The following SEPTIN8 variants were observed in gnomAD, a reference collection of about 807,000 sequenced individuals.
SEPTIN8 encodes septin-8.
SEPTIN8 carries 22 observed loss-of-function variants against 53.1 expected under a neutral mutation model. That is an observed-to-expected ratio of 0.41 (90% CI 0.30 to 0.59). SEPTIN8 has a LOEUF of 0.59. SEPTIN8 is among the 20% of genes least tolerant of loss of function. SEPTIN8 has a pLI of 0.24. For synonymous variants in SEPTIN8, 228 were observed against 248.4 expected (o/e 0.92, Z 0.77); for missense variants, 536 against 638.7 (o/e 0.84, Z 1.73).
intron 9 of SEPTIN8, among the ~76,000 whole-genome samples, chr5:132,759,763 G>A (rs1195451223): frequency 1.3e-5 from 2 of 152,192 alleles, no homozygotes; most frequent in African/African-American, 2.4e-5. Context: ...AAGATAGGCC[G>A]GGGCAGGGAG....
Position 132,776,892 on chromosome 5 carries a change from G to C in SEPTIN8, c.30+216C>G, listed in dbSNP as rs972115625. 1.9e-4 allele frequency among the ~76,000 whole-genome samples: 29 copies of C among 152,080 alleles called. No homozygotes were observed. The highest frequency in any genetic ancestry group is 6.5e-4 in the African/African-American group (27 of 41,430). On this transcript the variant is annotated intron_variant, in intron 1 of 9. Coordinates refer to ENST00000378719, the MANE Select transcript of SEPTIN8 (RefSeq NM_001098811.2). The surrounding 1 kb of genome is among the most constrained non-coding windows in gnomAD (Gnocchi z 4.4). ...TAGCCTTGCCTGCGCCCCAGGAAGC[G>C]ACCCCGACCAGCCGCCCGGCAAGGC... is the stretch of plus-strand genomic sequence containing the variant.
In SEPTIN8 at chr5:132,776,970, G is replaced by A. The variant is rs901844412; in HGVS notation, c.30+138C>T. 70 of 433,270 alleles carry A rather than the reference G, an allele frequency of 1.6e-4. No homozygotes were observed. In the East Asian group the frequency reaches 3.0e-3, roughly 18 times the overall value. The allele number at this position is 433,270 out of a possible 1,614,324, so 26.8% of individuals were successfully genotyped here. ...GATAGCGCGGCCGAGAGCCCGCGCC[G>A]GGGTCCTCGAGCTGGCCCGGTGTCG... On this transcript the variant is annotated intron_variant, in intron 1 of 9. Transcript: ENST00000378719. The surrounding 1 kb of genome is among the most constrained non-coding windows in gnomAD (Gnocchi z 4.4).
intron 9 of SEPTIN8, chr5:132,754,224 T>G: frequency 1.8e-6 from 1 of 567,828 alleles, no homozygotes; most frequent in Non-Finnish European, 3.2e-6. Flanking sequence ...GTCAGATACA[T>G]TTGGAACACT....
chr5:132,757,575 C>A, intron 9 of SEPTIN8: 1 of 985,474 alleles, frequency 1.0e-6, no homozygotes, highest in African/African-American at 1.7e-5. Flanking sequence ...ACTGTGAGCT[C>A]CTTGAGGGGA....
chr5:132,756,577 C>T, intron 9 of SEPTIN8: 1 of 985,406 alleles, frequency 1.0e-6, no homozygotes, highest in Non-Finnish European at 1.2e-6. Context: ...GTTTTAAGCT[C>T]ACTTTATGCA....
At chr5:132,758,442 C>A in intron 9 of SEPTIN8, 1 of 1,587,056 alleles carries the variant, frequency 6.3e-7, no homozygotes, top group South Asian at 1.1e-5. Flanking sequence ...CGTGAGTTGC[C>A]ATCTCCACGC....
chr5:132,779,987 C>T (rs542746698), upstream of SEPTIN8, among the ~76,000 whole-genome samples: 21 of 152,338 alleles, frequency 1.4e-4, 1 homozygote, highest in South Asian at 3.5e-3. Flanking sequence ...TGACTCTCTA[C>T]GCACACTTTC....
intron 1 of SEPTIN8, among the ~76,000 whole-genome samples, chr5:132,775,204 AG>A (rs879401634): frequency 3.3e-5 from 5 of 152,190 alleles, no homozygotes; most frequent in Non-Finnish European, 5.9e-5. Context: ...GAGCAAACAC[AG>A]GACCCCAGGG....
Position 132,760,760 on chromosome 5 carries a change from C to A in SEPTIN8, c.1286+42G>T. The stretch of plus-strand genomic sequence containing the variant: ...GGACAAGAACGAAAGCAAGAGCCCA[C>A]AGGAGCAAGAGGAGCCAGCGCAGGC... On this transcript the variant is annotated intron_variant, in intron 9 of 9. Transcript: ENST00000378719. The surrounding 1 kb of genome is among the most constrained non-coding windows in gnomAD (Gnocchi z 5.2). 6.3e-7 allele frequency: 1 copy of A among 1,578,458 alleles called. No homozygotes were observed. The highest frequency in any genetic ancestry group is 8.6e-7 in the Non-Finnish European group (1 of 1,159,200).
intron 9 of SEPTIN8, chr5:132,753,273 C>T: frequency 3.0e-6 from 1 of 338,136 alleles, no homozygotes; most frequent in South Asian, 4.6e-5. Flanking sequence ...GTTTTACCTT[C>T]CTTCTCCAGC....
intron 2 of SEPTIN8, among the ~76,000 whole-genome samples, chr5:132,765,125 CAAAT>C (rs1253244206): frequency 1.3e-5 from 2 of 152,028 alleles, no homozygotes; most frequent in African/African-American, 2.4e-5. Context: ...AATGAACAAA[CAAAT>C]GAATAAATGA....
At position 132,770,640 on chromosome 5, in the gene SEPTIN8, C is replaced by T. The variant is rs118155382; in HGVS notation, c.31-5111G>A. On this transcript the variant is annotated intron_variant, in intron 1 of 9. Coordinates refer to ENST00000378719, the MANE Select transcript of SEPTIN8 (RefSeq NM_001098811.2). Reference sequence around the variant, plus strand: ...GGCTCTGGTGGGAGGGTGAGCTGGACGGACCCTGCAGCCAGGCTCCATTCT... The same window carrying T: ...GGCTCTGGTGGGAGGGTGAGCTGGATGGACCCTGCAGCCAGGCTCCATTCT... Among the ~76,000 whole-genome samples the T allele has an allele frequency of 5.6e-4, 86 of 152,296 alleles. No individual in the cohort carries two copies. The East Asian group carries it at 9.4e-3, about 17-fold the overall frequency.
chr5:132,751,224 A>G lies in SEPTIN8; in HGVS notation c.*792T>C. Reference sequence around the variant, plus strand: ...TAAAGGACATTAAATTAACTTTACAAAGATTTTTAGACGGCACTATTATGG... The same window carrying G: ...TAAAGGACATTAAATTAACTTTACAGAGATTTTTAGACGGCACTATTATGG... On this transcript the variant is annotated 3_prime_UTR_variant, in exon 10 of 10. Coordinates refer to ENST00000378719, the MANE Select transcript of SEPTIN8 (RefSeq NM_001098811.2). The G allele has an allele frequency of 4.4e-6, 2 of 450,006 alleles. No homozygotes were observed. The highest frequency in any genetic ancestry group is 5.6e-4 in the Middle Eastern group (1 of 1,782). The allele number at this position is 450,006 out of a possible 1,614,324, so 27.9% of individuals were successfully genotyped here.
At chr5:132,762,406 C>A in intron 5 of SEPTIN8, 78 bp downstream of exon 5, 1 of 1,415,164 alleles carries the variant, frequency 7.1e-7, no homozygotes, top group Non-Finnish European at 9.9e-7. Context: ...GAACAAGAGT[C>A]TCCTGGGGCT....
In SEPTIN8 at chr5:132,763,689, G is replaced by C. The variant is rs1398316228; in HGVS notation, c.534+17C>G. On this transcript the variant is annotated intron_variant, in intron 4 of 9. Transcript: ENST00000378719. Reference sequence around the variant, plus strand: ...GAAGACTATGGAGCCTGTGACAGCAGGTGGGGACAGGGATACCTTGCTGTC... The same window carrying C: ...GAAGACTATGGAGCCTGTGACAGCACGTGGGGACAGGGATACCTTGCTGTC... 6.2e-7 allele frequency: 1 copy of C among 1,608,846 alleles called. No homozygotes were observed.
Position 132,765,419 on chromosome 5 carries a change from G to C in SEPTIN8, c.141C>G (p.Ile47Met), listed in dbSNP as rs1197901876. ...KSVTQGFSFNILCVGETGIGK... is the reference protein window; with the variant it reads ...KSVTQGFSFNMLCVGETGIGK... ...GGCCCTGACACTCACCCACACAGAG[G>C]ATGTTGAAGCTGAAGCCCTGAGTGA... Residue 47 changes from isoleucine to methionine, a missense_variant, in exon 2 of 10, where the codon ATC (isoleucine) becomes ATG (methionine). By Grantham distance (10) the Ile-to-Met change is conservative. Coordinates refer to ENST00000378719, the MANE Select transcript of SEPTIN8 (RefSeq NM_001098811.2). 3 of 1,613,492 alleles carry C rather than the reference G, an allele frequency of 1.9e-6. No individual in the cohort carries two copies. Among genetic ancestry groups the C allele is most frequent in the African/African-American group, 1.3e-5 (1 of 74,856 alleles).
At position 132,757,723 on chromosome 5, in the gene SEPTIN8, G is replaced by A. The variant is rs116262959; in HGVS notation, c.1286+3079C>T. 9.7e-3 allele frequency: 9,542 copies of A among 985,412 alleles called. 54 individuals carry two copies. The highest frequency in any genetic ancestry group is 0.011 in the Non-Finnish European group (9,065 of 829,936). The allele number at this position is 985,412 out of a possible 1,614,324, so 61.0% of individuals were successfully genotyped here. Reference sequence around the variant, plus strand: ...TCAACACTGACATTCTTGGTGGCTTGTAAACCAACAGGAGCATAGAAGAGT... The same window carrying A: ...TCAACACTGACATTCTTGGTGGCTTATAAACCAACAGGAGCATAGAAGAGT... On this transcript the variant is annotated intron_variant, in intron 9 of 9. Transcript: ENST00000378719.
intron 9 of SEPTIN8, chr5:132,756,832 T>G: frequency 3.0e-6 from 3 of 985,436 alleles, no homozygotes; most frequent in Non-Finnish European, 1.2e-6. Context: ...CAAGTCTGCA[T>G]ACTCCAGAGT....
intron 1 of SEPTIN8, among the ~76,000 whole-genome samples, chr5:132,770,617 C>T (rs1757230008): frequency 6.6e-6 from 1 of 152,222 alleles, no homozygotes; most frequent in African/African-American, 2.4e-5. Context: ...TGTAAGCTGG[C>T]TCTGGTGGGA....
Sources: gnomAD v4.1 joint callset for allele counts (sites outside exome capture counted in the v4.1 genomes callset) on GRCh38, gnomAD v4.1.1 for gene constraint, Gnocchi (gnomAD v3.1) non-coding constraint, MANE v1.5 for transcripts, NCBI Gene and HGNC (gene_info 2026-07-23, HGNC 2026-07-21) for gene names.